Variants in KIAA0825 observed in about 807,000 individuals in gnomAD.
KIAA0825 encodes the protein uncharacterized protein KIAA0825.
A neutral mutation model predicts 147.6 loss-of-function variants in KIAA0825; 119 were observed. That is an observed-to-expected ratio of 0.81 (90% confidence interval 0.69 to 0.94). The LOEUF is 0.94. KIAA0825 is among the 40% of genes least tolerant of loss of function. KIAA0825 has a pLI of 0.00. For missense variants in KIAA0825, 1,381 were observed against 1,472.7 expected, an observed-to-expected ratio of 0.94 and a Z score of 1.02; for synonymous variants, 470 against 518.1, an observed-to-expected ratio of 0.91 and a Z score of 1.26.
At chr5:94,226,575 A>G (rs967531815) in intron 20 of KIAA0825, among the ~76,000 whole-genome samples, 2 of 152,194 alleles carry the variant, frequency 1.3e-5, no homozygotes, top group African/African-American at 4.8e-5. Flanking sequence ...AAATATGTTT[A>G]TTGTGGGACT....
chr5:94,356,258 C>G (rs918689609), intron 20 of KIAA0825, among the ~76,000 whole-genome samples: 1 of 152,026 alleles, frequency 6.6e-6, no homozygotes, highest in Non-Finnish European at 1.5e-5. Context: ...AGCAAAACTA[C>G]AAGTTACTGC....
At chr5:94,462,331 C>T (rs1759943597) in intron 12 of KIAA0825, 56 bp downstream of exon 12, 1 of 880,928 alleles carries the variant, frequency 1.1e-6, no homozygotes, top group African/African-American at 1.8e-5. Flanking sequence ...ATGAAAATAA[C>T]TTTGTTAATC....
rs192182659 is a variant in KIAA0825, at chr5:94,164,634, A to C, written c.3711-10510T>G. On this transcript the variant is annotated intron_variant, in intron 20 of 20. Coordinates refer to ENST00000682413, the MANE Select transcript of KIAA0825 (RefSeq NM_001145678.3). Reference sequence around the variant, plus strand: ...CACCGTGTTAGCCAGGATGGTCTTCATCTCCTGACCTCGTGATCTGCCTGC... The same window carrying C: ...CACCGTGTTAGCCAGGATGGTCTTCCTCTCCTGACCTCGTGATCTGCCTGC... 1.4e-3 allele frequency among the ~76,000 whole-genome samples: 215 copies of C among 152,202 alleles called. 1 individual carries two copies. Among genetic ancestry groups the C allele is most frequent in the African/African-American group, 4.7e-3 (194 of 41,532 alleles).
Position 94,471,105 on chromosome 5 carries a change from C to G in KIAA0825, c.1721+361G>C, listed in dbSNP as rs184707868. ...TTTCTAAGTCCGCTCCACGAGACAA[C>G]AAGTTTATTTTTCCTTTTCAGTGTG... On this transcript the variant is annotated intron_variant, in intron 9 of 20. Coordinates refer to ENST00000682413, the MANE Select transcript of KIAA0825 (RefSeq NM_001145678.3). Among the ~76,000 whole-genome samples, 99 of 152,194 alleles carry G rather than the reference C, an allele frequency of 6.5e-4. 2 individuals are homozygous for G. The highest frequency in any genetic ancestry group is 1.5e-4 in the Non-Finnish European group (10 of 68,008).
At chr5:94,589,842 A>T (rs1190285998) in intron 1 of KIAA0825, among the ~76,000 whole-genome samples, 5 of 78,370 alleles carry the variant, frequency 6.4e-5, no homozygotes, top group African/African-American at 2.3e-4. Context: ...GTCTCACTTT[A>T]AAAAAAAAAA....
At chr5:94,617,136 T>A (rs1028968913) in intron 1 of KIAA0825, among the ~76,000 whole-genome samples, 2 of 152,198 alleles carry the variant, frequency 1.3e-5, no homozygotes, top group African/African-American at 2.4e-5. Context: ...GCAGACAGTA[T>A]CTACTTGGGG....
chr5:94,176,986 A>T (rs1403463838), intron 20 of KIAA0825, among the ~76,000 whole-genome samples: 1 of 152,120 alleles, frequency 6.6e-6, no homozygotes. Flanking sequence ...CACAACAGGG[A>T]AATTACTACA....
chr5:94,297,314 G>T (rs1778180585), intron 20 of KIAA0825, among the ~76,000 whole-genome samples: 1 of 152,158 alleles, frequency 6.6e-6, no homozygotes, highest in African/African-American at 2.4e-5. Flanking sequence ...AGCACAGTGA[G>T]ATAAAGATGA....
At chr5:94,501,874 C>T (rs1765130753) in intron 5 of KIAA0825, among the ~76,000 whole-genome samples, 1 of 152,002 alleles carries the variant, frequency 6.6e-6, no homozygotes, top group African/African-American at 2.4e-5. Context: ...TAGAAAAATC[C>T]TAATGTCTAT....
chr5:94,307,883 C>T (rs1418501076), intron 20 of KIAA0825, among the ~76,000 whole-genome samples: 1 of 151,616 alleles, frequency 6.6e-6, no homozygotes, highest in African/African-American at 2.4e-5. Context: ...ATTTTTAGTT[C>T]CTATAGTGCT....
intron 1 of KIAA0825, chr5:94,593,786 A>C (rs1335246332): frequency 2.9e-6 from 1 of 339,180 alleles, no homozygotes; most frequent in Non-Finnish European, 6.0e-6. Context: ...CAAAGTAGGG[A>C]GTTTTTTTGT....
At chr5:94,569,212 C>G (rs1478759673) in intron 2 of KIAA0825, 2 of 224,290 alleles carry the variant, frequency 8.9e-6, no homozygotes, top group Non-Finnish European at 1.7e-5. Context: ...GACCTCAATC[C>G]CTGACCCCCA....
chr5:94,433,175 C>T (rs562870903), intron 14 of KIAA0825, among the ~76,000 whole-genome samples: 2 of 152,182 alleles, frequency 1.3e-5, no homozygotes, highest in African/African-American at 4.8e-5. Flanking sequence ...CTACAGGCGC[C>T]TGCCACCACA....
At chr5:94,361,951 C>T (rs1745123444) in intron 20 of KIAA0825, among the ~76,000 whole-genome samples, 1 of 152,174 alleles carries the variant, frequency 6.6e-6, no homozygotes, top group African/African-American at 2.4e-5. Flanking sequence ...GTGTGCAGAA[C>T]AGGCTGCAAG....
intron 2 of KIAA0825, among the ~76,000 whole-genome samples, chr5:94,573,914 G>A (rs1298795076): frequency 1.3e-5 from 2 of 151,978 alleles, no homozygotes; most frequent in African/African-American, 4.8e-5. Context: ...TGGTTTGTAG[G>A]GCATGACTCC....
At chr5:94,166,934 C>G (rs1166585907) in intron 20 of KIAA0825, among the ~76,000 whole-genome samples, 3 of 152,032 alleles carry the variant, frequency 2.0e-5, no homozygotes, top group East Asian at 3.8e-4. Context: ...AGAGAAGGGA[C>G]AGATATAAAA....
intron 14 of KIAA0825, among the ~76,000 whole-genome samples, chr5:94,418,464 A>ACCCCCCCCCCCCCCCCCCCCCCC (rs1584436035): frequency 6.7e-6 from 1 of 148,714 alleles, no homozygotes; most frequent in Admixed American, 6.7e-5. Context: ...CATCCTCCCA[A>ACCCCCCCCCCCCCCCCCCCCCCC]CCCTCCCCCA....
At chr5:94,550,669 C>T (rs184108710) in intron 2 of KIAA0825, among the ~76,000 whole-genome samples, 2 of 152,030 alleles carry the variant, frequency 1.3e-5, no homozygotes, top group Non-Finnish European at 2.9e-5. Flanking sequence ...AGTGAAACCT[C>T]GTCTCAACTA....
chr5:94,541,316 A>C (rs1325445050), intron 2 of KIAA0825, among the ~76,000 whole-genome samples: 1 of 152,248 alleles, frequency 6.6e-6, no homozygotes, highest in Non-Finnish European at 1.5e-5. Context: ...TACCAAAAGT[A>C]AAAGTCGCTA....
Sources: gnomAD v4.1 joint callset for allele counts (sites outside exome capture counted in the v4.1 genomes callset) on GRCh38, gnomAD v4.1.1 for gene constraint, MANE v1.5 for transcripts, NCBI Gene and HGNC (gene_info 2026-07-23, HGNC 2026-07-21) for gene names.